Variants in ASCC1 observed in about 807,000 individuals in gnomAD.
The protein encoded by ASCC1 is ASC-1 complex subunit P50.
Under a neutral mutation model 46.6 loss-of-function variants are expected in ASCC1, and 35 were observed. The ratio of observed to expected loss-of-function variants is 0.75; its 90% confidence interval spans 0.57 to 0.99. The LOEUF is 0.99. ASCC1 is among the 50% of genes least tolerant of loss of function. The pLI is 0.00. For missense variants in ASCC1, 376 were observed against 428.7 expected, an observed-to-expected ratio of 0.88 and a Z score of 1.09; for synonymous variants, 143 against 146.6, an observed-to-expected ratio of 0.98 and a Z score of 0.18.
intron 4 of ASCC1, among the ~76,000 whole-genome samples, chr10:72,200,151 G>A (rs1856285271): frequency 6.6e-6 from 1 of 151,800 alleles, no homozygotes; most frequent in Admixed American, 6.6e-5. Flanking sequence ...AATGGCTAGG[G>A]TCTCCACATT....
At chr10:72,207,866 C>T (rs1347032019) in intron 3 of ASCC1, among the ~76,000 whole-genome samples, 1 of 151,410 alleles carries the variant, frequency 6.6e-6, no homozygotes, top group African/African-American at 2.4e-5. Context: ...GGTGGAATTA[C>T]ATTGGCACAA....
At chr10:72,180,588 T>C (rs918279859) in intron 5 of ASCC1, among the ~76,000 whole-genome samples, 5 of 152,150 alleles carry the variant, frequency 3.3e-5, no homozygotes, top group Admixed American at 6.5e-5. Context: ...ATCGCACCAC[T>C]GCATTCCAGC....
intron 2 of ASCC1, among the ~76,000 whole-genome samples, chr10:72,212,784 G>T (rs1858356264): frequency 6.6e-6 from 1 of 152,096 alleles, no homozygotes; most frequent in African/African-American, 2.4e-5. Flanking sequence ...GGAGGCGGAG[G>T]CTGCAGTGAG....
chr10:72,136,272 CTG>C (rs2132337170), intron 7 of ASCC1, among the ~76,000 whole-genome samples: 1 of 152,182 alleles, frequency 6.6e-6, no homozygotes, highest in African/African-American at 2.4e-5. Context: ...AATCGGCACT[CTG>C]TAAAAACGCA....
Position 72,211,068 on chromosome 10 carries a change from T to C in ASCC1, c.113-237A>G, listed in dbSNP as rs535949951. Among the ~76,000 whole-genome samples, 4 of 152,328 alleles carry C rather than the reference T, an allele frequency of 2.6e-5. No homozygotes were observed. The East Asian group carries it at 7.7e-4, about 29-fold the overall frequency. On this transcript the variant is annotated intron_variant, in intron 2 of 9. Coordinates refer to ENST00000672957, the MANE Select transcript of ASCC1 (RefSeq NM_001198800.3). ...TTTAAATCTTTCAGTCTTGGAACCC[T>C]GGGAAGGTAGCATATGCATACGGTA...
chr10:72,191,498 A>G (rs1001020188), intron 5 of ASCC1, among the ~76,000 whole-genome samples: 1 of 152,126 alleles, frequency 6.6e-6, no homozygotes, highest in African/African-American at 2.4e-5. Context: ...AAAAAAAAGT[A>G]TAGCATGGAC....
intron 3 of ASCC1, among the ~76,000 whole-genome samples, chr10:72,204,982 AG>A (rs1248033516): frequency 6.6e-6 from 1 of 152,216 alleles, no homozygotes; most frequent in African/African-American, 2.4e-5. Context: ...AAAGTGGTTG[AG>A]GTTTAAAAGG....
chr10:72,134,739 T>G (rs1845994022), intron 7 of ASCC1, among the ~76,000 whole-genome samples: 1 of 152,126 alleles, frequency 6.6e-6, no homozygotes, highest in African/African-American at 2.4e-5. Flanking sequence ...CCCAGCCACC[T>G]GGGAACCAGC....
At chr10:72,176,706 T>A (rs916679965) in intron 5 of ASCC1, among the ~76,000 whole-genome samples, 10 of 152,220 alleles carry the variant, frequency 6.6e-5, no homozygotes, top group African/African-American at 2.4e-4. Flanking sequence ...ACACAAGAGC[T>A]TTCACAACTT....
At chr10:72,195,671 C>T (rs1855302503) in intron 5 of ASCC1, among the ~76,000 whole-genome samples, 1 of 151,478 alleles carries the variant, frequency 6.6e-6, no homozygotes, top group African/African-American at 2.4e-5. Context: ...CCTGTCTCTA[C>T]TGAAAATACA....
rs1841161550 is a variant in ASCC1, at chr10:72,096,992, C to T, written c.*342G>A. ...GAGATGGACGGCGGTGACGGCCACA[C>T]AGCATTATGAATGTATTAACAGTTA... On this transcript the variant is annotated 3_prime_UTR_variant, in exon 10 of 10. Coordinates refer to ENST00000672957, the MANE Select transcript of ASCC1 (RefSeq NM_001198800.3). The T allele has an allele frequency of 6.6e-6, 3 of 456,234 alleles. No homozygotes were observed. Among genetic ancestry groups the T allele is most frequent in the Non-Finnish European group, 1.3e-5 (3 of 228,400 alleles). The allele number at this position is 456,234 out of a possible 1,614,324, so 28.3% of individuals were successfully genotyped here. A position where few individuals can be genotyped will look rare whatever the true frequency, so the allele number is the denominator to read the frequency against.
At chr10:72,187,303 T>A (rs1255375224) in intron 5 of ASCC1, among the ~76,000 whole-genome samples, 1 of 152,244 alleles carries the variant, frequency 6.6e-6, no homozygotes, top group East Asian at 1.9e-4. Context: ...AGTTAGTCAC[T>A]TAAAAACTAG....
At chr10:72,145,076 G>T (rs1247153219) in intron 7 of ASCC1, among the ~76,000 whole-genome samples, 1 of 152,128 alleles carries the variant, frequency 6.6e-6, no homozygotes, top group Non-Finnish European at 1.5e-5. Context: ...ATTCCAGGTT[G>T]CCAGTTGTTT....
intron 9 of ASCC1, among the ~76,000 whole-genome samples, chr10:72,123,588 G>C (rs908132962): frequency 5.9e-5 from 9 of 151,852 alleles, no homozygotes; most frequent in African/African-American, 2.2e-4. Flanking sequence ...ACCTGAAACT[G>C]CTCTAAAAAA....
At chr10:72,184,923 G>C (rs1008064187) in intron 5 of ASCC1, among the ~76,000 whole-genome samples, 36 of 151,710 alleles carry the variant, frequency 2.4e-4, no homozygotes, top group African/African-American at 8.7e-4. Context: ...AAAAAGAAAA[G>C]CTAAAATACC....
Position 72,190,995 on chromosome 10 carries a change from C to CAAA in ASCC1, c.489+5813_489+5815dup, listed in dbSNP as rs556780486. Among the ~76,000 whole-genome samples the CAAA allele has an allele frequency of 1.5e-3, 127 of 87,080 alleles. 3 individuals carry two copies. Among genetic ancestry groups the CAAA allele is most frequent in the African/African-American group, 5.0e-3 (124 of 24,620 alleles). The allele number at this position is 87,080 out of a possible 152,430, so 57.1% of individuals were successfully genotyped here. A position where few individuals can be genotyped will look rare whatever the true frequency, so the allele number is the denominator to read the frequency against. ...TTGGCGACAGAGCGAGACGCCGTCT[C>CAAA]AAAAAAAAAAAAAAAAGGAAGTTAA... On this transcript the variant is annotated intron_variant, in intron 5 of 9. Coordinates refer to ENST00000672957, the MANE Select transcript of ASCC1 (RefSeq NM_001198800.3).
intron 4 of ASCC1, among the ~76,000 whole-genome samples, chr10:72,201,915 G>A (rs1397837101): frequency 6.6e-6 from 1 of 151,858 alleles, no homozygotes; most frequent in African/African-American, 2.4e-5. Flanking sequence ...TCCAGCCTGG[G>A]CAACAGAGAC....
intron 7 of ASCC1, among the ~76,000 whole-genome samples, chr10:72,147,776 G>A (rs1340013397): frequency 6.6e-6 from 1 of 152,086 alleles, no homozygotes; most frequent in Non-Finnish European, 1.5e-5. Flanking sequence ...AGACTAAATG[G>A]AAATAATACA....
chr10:72,152,987 C>T lies in ASCC1; in HGVS notation c.628G>A (p.Asp210Asn), dbSNP rs149236336. ...LQQCKEEFIN[D>N]ISGGKPLEVE... ...TCTAGGGGTTTACCCCCAGAAATAT[C>T]ACTGCAAAGGAAAAAGCATTAAGAT... The change falls in exon 7 of 10, where the codon GAT (aspartate) becomes AAT (asparagine). Residue 210 changes from aspartate (D) to asparagine (N), a missense_variant and splice_region_variant. Asp to Asn is a conservative substitution (Grantham distance 23, BLOSUM62 1). Coordinates refer to ENST00000672957, the MANE Select transcript of ASCC1 (RefSeq NM_001198800.3). 2 of 1,614,058 alleles carry T rather than the reference C, an allele frequency of 1.2e-6. No individual in the cohort carries two copies. Among genetic ancestry groups the T allele is most frequent in the African/African-American group, 2.7e-5 (2 of 75,052 alleles).
Sources: allele counts gnomAD v4.1 joint callset (sites outside exome capture counted in the v4.1 genomes callset), GRCh38; gene constraint gnomAD v4.1.1; transcripts MANE v1.5; gene names NCBI Gene and HGNC (gene_info 2026-07-23, HGNC 2026-07-21).